The following ACTR3C variants were observed in gnomAD, a reference collection of about 807,000 sequenced individuals.
ACTR3C encodes actin related protein 3C, also known as actin-related protein 3C.
A neutral mutation model predicts 26.3 loss-of-function variants in ACTR3C; 18 were observed. The observed-to-expected ratio is 0.68, with a 90% CI of 0.47 to 1.01. ACTR3C has a LOEUF of 1.01. Ranked by LOEUF, ACTR3C falls within the 50% of genes least tolerant of loss-of-function variation. The probability of loss-of-function intolerance (pLI) is 0.00; values close to 1 mark genes in which losing one functional copy is unlikely to be tolerated. For missense variants in ACTR3C, 184 were observed against 250.7 expected (o/e 0.73, Z 1.80); for synonymous variants, 55 against 94.5 (o/e 0.58, Z 2.42).
At chr7:150,041,688 A>C in the ACTR3C span, among the ~76,000 whole-genome samples, 2 of 76,014 alleles carry the variant, frequency 2.6e-5, no homozygotes, top group African/African-American at 5.9e-5. Flanking sequence ...AGAGGGGATA[A>C]CTCTCAGTCC....
chr7:150,033,632 GC>G, the ACTR3C span, among the ~76,000 whole-genome samples: 1 of 151,676 alleles, frequency 6.6e-6, no homozygotes, highest in African/African-American at 2.4e-5. Context: ...GGTCCTAAGA[GC>G]CAGAGGGGGA....
chr7:150,127,128 T>C, the ACTR3C span, among the ~76,000 whole-genome samples: 1 of 139,908 alleles, frequency 7.1e-6, no homozygotes, highest in Non-Finnish European at 1.5e-5. Flanking sequence ...GACTGAAACA[T>C]CCTACCATTA....
intron 1 of ACTR3C, among the ~76,000 whole-genome samples, chr7:150,311,433 C>T (rs1796313443): frequency 1.3e-5 from 2 of 152,216 alleles, no homozygotes; most frequent in Admixed American, 1.3e-4. Flanking sequence ...TCCACTTACC[C>T]TCTACAGTTC....
the ACTR3C span, among the ~76,000 whole-genome samples, chr7:149,933,235 G>A: frequency 7.0e-4 from 106 of 151,454 alleles, no homozygotes; most frequent in Admixed American, 1.8e-3. Flanking sequence ...TGCTCTTATA[G>A]GATAAATCAC....
the ACTR3C span, among the ~76,000 whole-genome samples, chr7:150,235,499 C>T: frequency 6.6e-6 from 1 of 152,168 alleles, no homozygotes; most frequent in Non-Finnish European, 1.5e-5. Flanking sequence ...CAAACGCAGA[C>T]CACCCCAAGC....
At chr7:150,264,240 A>G (rs1160942216) in intron 6 of ACTR3C, among the ~76,000 whole-genome samples, 1 of 152,220 alleles carries the variant, frequency 6.6e-6, no homozygotes, top group Non-Finnish European at 1.5e-5. Flanking sequence ...TCACCGTGAA[A>G]CGTCATGTGA....
the ACTR3C span, among the ~76,000 whole-genome samples, chr7:150,023,157 A>ATATCTATATAGATATATAGATATC: frequency 1.2e-5 from 1 of 86,502 alleles, no homozygotes; most frequent in African/African-American, 3.8e-5. Flanking sequence ...ATCTATATAG[A>ATATCTATATAGATATATAGATATC]TATCTATATA....
At chr7:149,988,329 C>T in the ACTR3C span, among the ~76,000 whole-genome samples, 2 of 152,184 alleles carry the variant, frequency 1.3e-5, no homozygotes, top group African/African-American at 4.8e-5. Context: ...TGCTAAGCAC[C>T]GCATGGGGCA....
At chr7:149,944,842 C>A in the ACTR3C span, among the ~76,000 whole-genome samples, 1 of 151,186 alleles carries the variant, frequency 6.6e-6, no homozygotes, top group African/African-American at 2.4e-5. Context: ...ATAAAAGAGT[C>A]CAACAGTGTG....
chr7:149,988,908 C>T, the ACTR3C span, among the ~76,000 whole-genome samples: 61 of 152,308 alleles, frequency 4.0e-4, 1 homozygote, highest in East Asian at 8.9e-3. Context: ...TTCAAAGCAA[C>T]GAAAATTGAA....
chr7:150,059,834 C>T, the ACTR3C span, among the ~76,000 whole-genome samples: 28 of 151,846 alleles, frequency 1.8e-4, no homozygotes, highest in African/African-American at 3.2e-4. Context: ...ATCCTCTTCC[C>T]GGGGCAGGAG....
chr7:150,034,981 G>GT, the ACTR3C span, among the ~76,000 whole-genome samples: 3 of 144,826 alleles, frequency 2.1e-5, no homozygotes, highest in Admixed American at 6.9e-5. Flanking sequence ...CTCGTGGGGG[G>GT]TGCCTCCCCC....
At chr7:150,028,724 G>A in the ACTR3C span, among the ~76,000 whole-genome samples, 462 of 152,060 alleles carry the variant, frequency 3.0e-3, 1 homozygote, top group Non-Finnish European at 3.8e-3. Context: ...TACGTGCCTC[G>A]GGTTCGTGTT....
At chr7:150,262,915 G>A (rs1252184995) in intron 6 of ACTR3C, among the ~76,000 whole-genome samples, 1 of 152,222 alleles carries the variant, frequency 6.6e-6, no homozygotes, top group Non-Finnish European at 1.5e-5. Flanking sequence ...ACAATAATCT[G>A]TTCATTAAAA....
chr7:150,035,017 A>T, the ACTR3C span, among the ~76,000 whole-genome samples: 184 of 132,088 alleles, frequency 1.4e-3, 3 homozygotes, highest in African/African-American at 2.7e-3. Context: ...CCTCAGAGCC[A>T]GGGGGGGAAG....
In ACTR3C at chr7:150,268,148, A is replaced by C. The variant is rs535773527; in HGVS notation, c.564+16605T>G. On this transcript the variant is annotated intron_variant, in intron 6 of 7. Coordinates refer to ENST00000683684, the MANE Select transcript of ACTR3C (RefSeq NM_001164458.2). ...GGGTGTACATTTGGCCAATGTGTACAGTCTCTAACTCTTCATTTCTCAATG... is the reference window on the plus strand; with the variant it reads ...GGGTGTACATTTGGCCAATGTGTACCGTCTCTAACTCTTCATTTCTCAATG... Among the ~76,000 whole-genome samples, 9 of 151,300 alleles carry C rather than the reference A, an allele frequency of 5.9e-5. No homozygotes were observed. The East Asian group carries it at 1.7e-3, about 29-fold the overall frequency.
the ACTR3C span, among the ~76,000 whole-genome samples, chr7:150,188,749 G>A: frequency 4.6e-5 from 7 of 151,690 alleles, no homozygotes; most frequent in Admixed American, 6.6e-5. Flanking sequence ...TCATAAAACT[G>A]TACACTAAAA....
chr7:150,105,690 G>A, the ACTR3C span, among the ~76,000 whole-genome samples: 1 of 151,968 alleles, frequency 6.6e-6, no homozygotes, highest in South Asian at 2.1e-4. Context: ...TTGCACTTTT[G>A]AAGTTTCTAA....
At chr7:149,895,946 C>G in the ACTR3C span, among the ~76,000 whole-genome samples, 5 of 150,860 alleles carry the variant, frequency 3.3e-5, no homozygotes, top group African/African-American at 1.2e-4. Flanking sequence ...ACCTGTAATC[C>G]CAGCACTTTG....
Sources: allele counts gnomAD v4.1 joint callset (sites outside exome capture counted in the v4.1 genomes callset), GRCh38; gene constraint gnomAD v4.1.1; transcripts MANE v1.5; gene names NCBI Gene and HGNC (gene_info 2026-07-23, HGNC 2026-07-21).